Variants in LARP1B observed in about 807,000 individuals in gnomAD.
The protein encoded by LARP1B is La ribonucleoprotein 1B, also known as la-related protein 1B.
Under a neutral mutation model 114.2 loss-of-function variants are expected in LARP1B, and 76 were observed. The observed-to-expected ratio is 0.67, with a 90% CI of 0.55 to 0.81. The LOEUF (loss-of-function observed/expected upper bound fraction) is 0.81, where lower values mean the gene tolerates loss of function less well. LARP1B is among the 30% of genes least tolerant of loss of function. The pLI is 0.00. For missense variants in LARP1B, 1,014 were observed against 1,075.8 expected (o/e 0.94, Z 0.80); for synonymous variants, 345 against 348.0 (o/e 0.99, Z 0.10).
At chr4:128,194,084 TTTA>T (rs1366043569) in intron 15 of LARP1B, among the ~76,000 whole-genome samples, 5 of 151,848 alleles carry the variant, frequency 3.3e-5, no homozygotes, top group Non-Finnish European at 7.4e-5. Context: ...TGACTATTTA[TTTA>T]TTGAGATGCA....
At chr4:128,197,251 C>G (rs1485167677) in intron 15 of LARP1B, among the ~76,000 whole-genome samples, 1 of 152,078 alleles carries the variant, frequency 6.6e-6, no homozygotes, top group Non-Finnish European at 1.5e-5. Context: ...TCCTAAAATT[C>G]TTTTTTATTT....
At chr4:128,216,892 C>A (rs926679710), downstream of LARP1B, among the ~76,000 whole-genome samples, 2 of 151,908 alleles carry the variant, frequency 1.3e-5, no homozygotes, top group African/African-American at 4.8e-5. Flanking sequence ...ATTGATAGAC[C>A]GCTAGCAAGA....
intron 15 of LARP1B, among the ~76,000 whole-genome samples, chr4:128,197,422 G>A (rs373711326): frequency 7.9e-5 from 12 of 152,260 alleles, no homozygotes; most frequent in Middle Eastern, 3.4e-3. Context: ...TCAGCTGGGC[G>A]CAGTAGCTTA....
At chr4:128,214,501 C>T (rs371911183), downstream of LARP1B, among the ~76,000 whole-genome samples, 2 of 152,018 alleles carry the variant, frequency 1.3e-5, no homozygotes, top group African/African-American at 4.8e-5. Context: ...GACCCCTGAC[C>T]CCCGAGCAGC....
chr4:128,175,337 T>C (rs1332355523), intron 12 of LARP1B, among the ~76,000 whole-genome samples: 1 of 152,172 alleles, frequency 6.6e-6, no homozygotes, highest in Admixed American at 6.5e-5. Flanking sequence ...ATGCTGTGAT[T>C]CATGATTTGA....
rs1296338620 is a variant in LARP1B at position 128,098,025 on chromosome 4, TTA to T, written c.669-157_669-156del. On this transcript the variant is annotated intron_variant, in intron 7 of 19. Transcript: ENST00000326639. ...TAATTCAGTAGAGTTTTTTGCTATCTTATATGTTTACCCTATCTGTGTTGTAT... is the reference window on the plus strand; with the variant it reads ...TAATTCAGTAGAGTTTTTTGCTATCTTATGTTTACCCTATCTGTGTTGTAT... Among the ~76,000 whole-genome samples the T allele has an allele frequency of 3.9e-5, 6 of 152,354 alleles. No individual in the cohort carries two copies. In the East Asian group the frequency reaches 9.6e-4, roughly 24 times the overall value.
chr4:128,098,236 G>T lies in LARP1B; in HGVS notation c.719G>T (p.Gly240Val). ...ENLERDFFLR[G>V]KMDEQGFLPI... ...TTGGAACGAGACTTCTTTCTTCGGG[G>T]AAAGATGGATGAACAAGGTTTCTTG... Residue 240 changes from glycine to valine, a missense_variant, in exon 8 of 20, where the codon GGA (glycine) becomes GTA (valine). Gly to Val is a moderately radical substitution (Grantham distance 109, BLOSUM62 -3). Coordinates refer to ENST00000326639, the MANE Select transcript of LARP1B (RefSeq NM_018078.4). 1.2e-6 allele frequency: 2 copies of T among 1,613,528 alleles called. No homozygotes were observed. Among genetic ancestry groups the T allele is most frequent in the Non-Finnish European group, 1.7e-6 (2 of 1,179,530 alleles).
At chr4:128,151,511 A>G (rs1025135555) in intron 11 of LARP1B, among the ~76,000 whole-genome samples, 17 of 151,108 alleles carry the variant, frequency 1.1e-4, no homozygotes, top group African/African-American at 4.1e-4. Context: ...CTTTTTGGCT[A>G]TTCATGACAT....
chr4:128,067,060 G>A (rs1195892224), intron 1 of LARP1B, among the ~76,000 whole-genome samples: 4 of 150,790 alleles, frequency 2.7e-5, no homozygotes, highest in Non-Finnish European at 4.4e-5. Context: ...CGCCCGCTTC[G>A]GCCTCCCAAA....
chr4:128,164,903 G>A (rs1282301542), intron 12 of LARP1B, among the ~76,000 whole-genome samples: 2 of 151,876 alleles, frequency 1.3e-5, no homozygotes, highest in Non-Finnish European at 2.9e-5. Context: ...TCATACGTAG[G>A]AAAAATAGGC....
intron 9 of LARP1B, among the ~76,000 whole-genome samples, chr4:128,109,337 A>G (rs1434465557): frequency 6.6e-6 from 1 of 152,184 alleles, no homozygotes; most frequent in Admixed American, 6.5e-5. Context: ...AATTTTAACA[A>G]CATAACTCTT....
At chr4:128,082,533 C>T (rs769687584) in intron 5 of LARP1B, among the ~76,000 whole-genome samples, 1 of 152,144 alleles carries the variant, frequency 6.6e-6, no homozygotes, top group South Asian at 2.1e-4. Context: ...GCAGATTTTT[C>T]TCAATAAAGT....
At chr4:128,220,504 C>A in intron 7 of LARP1B, 2 of 193,818 alleles carry the variant, frequency 1.0e-5, no homozygotes, top group Non-Finnish European at 1.9e-5. Context: ...ATAATTATAT[C>A]AATTACTCTT....
chr4:128,121,773 A>T, intron 10 of LARP1B, 53 bp from the exon 11 acceptor site: 2 of 1,268,700 alleles, frequency 1.6e-6, no homozygotes, highest in Non-Finnish European at 1.1e-6. Flanking sequence ...TATGACATTT[A>T]ATTTAAAAAT....
At chr4:128,122,461 T>G (rs1417608858) in intron 11 of LARP1B, 10 of 1,515,024 alleles carry the variant, frequency 6.6e-6, no homozygotes, top group African/African-American at 5.7e-5. Context: ...TTTGTTTTGT[T>G]TTTTTTTGTT....
At position 128,200,513 on chromosome 4, in the gene LARP1B, T is replaced by A; in HGVS notation, c.2165-8T>A. On this transcript the variant is annotated splice_polypyrimidine_tract_variant and splice_region_variant and intron_variant, in intron 16 of 19. Coordinates refer to ENST00000326639, the MANE Select transcript of LARP1B (RefSeq NM_018078.4). ...TAATAAAATAATATTTTATTTAACT[T>A]TTTTCAGAGAGAAAACGCTTGGGAA... 7.0e-7 allele frequency: 1 copy of A among 1,419,544 alleles called. No individual in the cohort carries two copies. The allele number at this position is 1,419,544 out of a possible 1,614,324, so 87.9% of individuals were successfully genotyped here.
At chr4:128,183,637 A>G (rs1339672661) in intron 15 of LARP1B, among the ~76,000 whole-genome samples, 1 of 152,216 alleles carries the variant, frequency 6.6e-6, no homozygotes, top group Non-Finnish European at 1.5e-5. Context: ...CATGGATTCC[A>G]AGGAGTCATT....
rs1758821659 is a variant in LARP1B at position 128,210,660 on chromosome 4, T to C, written c.*607T>C. The C allele has an allele frequency of 1.0e-6, 1 of 963,202 alleles. No individual in the cohort carries two copies. 59.7% of individuals were successfully genotyped at this position (963,202 alleles called of 1,614,324 possible). A position where few individuals can be genotyped will look rare whatever the true frequency, so the allele number is the denominator to read the frequency against. On this transcript the variant is annotated 3_prime_UTR_variant, in exon 20 of 20. Coordinates refer to ENST00000326639, the MANE Select transcript of LARP1B (RefSeq NM_018078.4). ...ACAAAAGTAGGAATATATAGTAAGA[T>C]TGTAGTTACAATGAGTATATGCACT... is the stretch of plus-strand genomic sequence containing the variant.
upstream of LARP1B, chr4:128,061,141 G>C (rs571954179): frequency 9.2e-5 from 14 of 152,248 alleles, no homozygotes; most frequent in East Asian, 2.3e-3. Flanking sequence ...AGGGCAGCTG[G>C]GGCGGGGCAG....
Sources: gnomAD v4.1 joint callset for allele counts (sites outside exome capture counted in the v4.1 genomes callset) on GRCh38, gnomAD v4.1.1 for gene constraint, MANE v1.5 for transcripts, NCBI Gene and HGNC (gene_info 2026-07-23, HGNC 2026-07-21) for gene names.